Variants in PEX3 observed in about 807,000 individuals in gnomAD.
PEX3 encodes peroxisomal biogenesis factor 3.
A neutral mutation model predicts 55.8 loss-of-function variants in PEX3; 30 were observed. That is an observed-to-expected ratio of 0.54 (90% confidence interval 0.40 to 0.73). The LOEUF is 0.73. Ranked by LOEUF, PEX3 falls within the 30% of genes least tolerant of loss-of-function variation. The pLI, the probability that PEX3 is intolerant of heterozygous loss-of-function variation, is 0.00. For missense variants in PEX3, 351 were observed against 432.8 expected, an observed-to-expected ratio of 0.81 and a Z score of 1.68; for synonymous variants, 135 against 148.4, an observed-to-expected ratio of 0.91 and a Z score of 0.66.
At position 143,485,129 on chromosome 6, in the gene PEX3, T is replaced by A; in HGVS notation, c.942-23T>A. 3.2e-6 allele frequency: 4 copies of A among 1,264,100 alleles called. No individual in the cohort carries two copies. Among genetic ancestry groups the A allele is most frequent in the Non-Finnish European group, 4.6e-6 (4 of 860,640 alleles). The allele number at this position is 1,264,100 out of a possible 1,614,324, so 78.3% of individuals were successfully genotyped here. ...CCTGTGGGGTCATTTCAGAAAATAA[T>A]CATTACTGTAATGATTTTTCAGTCT... is the stretch of plus-strand genomic sequence containing the variant. On this transcript the variant is annotated intron_variant, in intron 10 of 11. Coordinates refer to ENST00000367591, the MANE Select transcript of PEX3 (RefSeq NM_003630.3). The surrounding 1 kb of genome is among the most constrained non-coding windows in gnomAD (Gnocchi z 5.6).
At position 143,463,538 on chromosome 6, in the gene PEX3, T is replaced by TATAA. The variant is rs1562652530; in HGVS notation, c.287+541_287+542insATAA. Among the ~76,000 whole-genome samples the TATAA allele has an allele frequency of 6.6e-6, 1 of 152,122 alleles. No individual in the cohort carries two copies. Among genetic ancestry groups the TATAA allele is most frequent in the African/African-American group, 2.4e-5 (1 of 41,382 alleles). ...ACTTTCACATATGTAACCTTGTATA[T>TATAA]TGCATGTAGCATGTGTTGGGGTATT... On this transcript the variant is annotated intron_variant, in intron 3 of 11. Coordinates refer to ENST00000367591, the MANE Select transcript of PEX3 (RefSeq NM_003630.3). The surrounding 1 kb of genome is among the most constrained non-coding windows in gnomAD (Gnocchi z 5.7).
intron 8 of PEX3, 38 bp from the exon 9 acceptor site, chr6:143,474,748 T>C: frequency 9.7e-7 from 1 of 1,026,964 alleles, no homozygotes; most frequent in Non-Finnish European, 1.6e-6. Flanking sequence ...CCTGTGCTAA[T>C]GTTTGAAAAC....
At chr6:143,473,963 C>T (rs1011939326) in intron 8 of PEX3, among the ~76,000 whole-genome samples, 5 of 124,524 alleles carry the variant, frequency 4.0e-5, no homozygotes, top group African/African-American at 9.0e-5. Context: ...CCTACCCCTA[C>T]AAAAAAAAAA....
At chr6:143,473,618 A>G (rs1376565009) in intron 8 of PEX3, among the ~76,000 whole-genome samples, 1 of 152,156 alleles carries the variant, frequency 6.6e-6, no homozygotes, top group Non-Finnish European at 1.5e-5. Context: ...AAAAGAAAAA[A>G]GCATAGGAGG....
At position 143,451,500 on chromosome 6, in the gene PEX3, C is replaced by G. The variant is rs1239766948; in HGVS notation, c.73+385C>G. On this transcript the variant is annotated intron_variant, in intron 1 of 11. Coordinates refer to ENST00000367591, the MANE Select transcript of PEX3 (RefSeq NM_003630.3). This position sits in a 1 kb window ranked among gnomAD's most constrained non-coding sequence, Gnocchi z 4.1. ...GCACTCTTGATACTTTGGCTCTCAC[C>G]CTTCTCAGGAGTTTAATAATAATCT... is the stretch of plus-strand genomic sequence containing the variant. Among the ~76,000 whole-genome samples, 2 of 152,122 alleles carry G rather than the reference C, an allele frequency of 1.3e-5. No individual in the cohort carries two copies. The highest frequency in any genetic ancestry group is 2.9e-5 in the Non-Finnish European group (2 of 68,020).
chr6:143,472,266 G>C lies in PEX3; in HGVS notation c.685G>C (p.Gly229Arg). 1 of 1,604,830 alleles carries C rather than the reference G, an allele frequency of 6.2e-7. No homozygotes were observed. Among genetic ancestry groups the C allele is most frequent in the Non-Finnish European group, 8.5e-7 (1 of 1,172,076 alleles). ...HKSSSWINKD[G>R]SKPLLCHYMM... ...GTCTTCTTCTTGGATTAATAAAGAT[G>C]GATCCAAACCTTTATTATGCCATTA... is the stretch of plus-strand genomic sequence containing the variant. The change falls in exon 8 of 12, where the codon GGA becomes CGA. Residue 229 changes from glycine (G) to arginine (R), a missense_variant. Coordinates refer to ENST00000367591, the MANE Select transcript of PEX3 (RefSeq NM_003630.3).
At position 143,462,935 on chromosome 6, in the gene PEX3, A is replaced by G. The variant is rs1395077371; in HGVS notation, c.225A>G (p.Thr75=). 1.2e-6 allele frequency: 2 copies of G among 1,613,564 alleles called. No homozygotes were observed. The highest frequency in any genetic ancestry group is 1.7e-6 in the Non-Finnish European group (2 of 1,179,706). ...CNMTVLSMLP[T]LREALMQQLN... is the part of the protein sequence containing the mutation. Reference sequence around the variant, plus strand: ...TTACAGTGCTGTCCATGCTTCCAACACTGAGAGAGGCCTTAATGCAGCAAC... The same window carrying G: ...TTACAGTGCTGTCCATGCTTCCAACGCTGAGAGAGGCCTTAATGCAGCAAC... Residue 75 remains threonine, a synonymous_variant, in exon 3 of 12, where the codon ACA becomes ACG. Coordinates refer to ENST00000367591, the MANE Select transcript of PEX3 (RefSeq NM_003630.3). The surrounding 1 kb of genome is among the most constrained non-coding windows in gnomAD (Gnocchi z 4.1).
rs1363189149 is a variant in PEX3, at chr6:143,468,164, A to G, written c.330A>G (p.Ile110Met). The G allele has an allele frequency of 6.3e-7, 1 of 1,586,050 alleles. No homozygotes were observed. Among genetic ancestry groups the G allele is most frequent in the Admixed American group, 1.7e-5 (1 of 59,918 alleles). The change falls in exon 4 of 12, where the codon ATA (isoleucine) becomes ATG (methionine). Residue 110 changes from isoleucine (I) to methionine (M), a missense_variant and splice_region_variant. Ile to Met is a conservative substitution (Grantham distance 10). Coordinates refer to ENST00000367591, the MANE Select transcript of PEX3 (RefSeq NM_003630.3). ...KLEIWEDLKI[I>M]SFTRSTVAVY... ...AAATATGGGAGGATCTGAAGATAAT[A>G]AGTAAGCCTGCATATTCTGTGTGAC...
chr6:143,458,489 T>G lies in PEX3; in HGVS notation c.74-596T>G, dbSNP rs573945474. 6.6e-6 allele frequency among the ~76,000 whole-genome samples: 1 copy of G among 152,318 alleles called. No homozygotes were observed. The highest frequency in any genetic ancestry group is 1.9e-4 in the East Asian group (1 of 5,190). On this transcript the variant is annotated intron_variant, in intron 1 of 11. Transcript: ENST00000367591. The surrounding 1 kb of genome is among the most constrained non-coding windows in gnomAD (Gnocchi z 6.1). ...TCTTTCATTGTTCCTTTTAAAATTT[T>G]TATCTTATAGTTTTAAAAAGCATTT...
At position 143,482,985 on chromosome 6, in the gene PEX3, C is replaced by T. The variant is rs1408181529; in HGVS notation, c.942-2167C>T. On this transcript the variant is annotated intron_variant, in intron 10 of 11. Transcript: ENST00000367591. The surrounding 1 kb of genome is among the most constrained non-coding windows in gnomAD (Gnocchi z 5.5). ...AACAAGCTTTTTATAAGCTTTTCATCAATATTAAATGCAAATAATATACAG... is the reference window on the plus strand; with the variant it reads ...AACAAGCTTTTTATAAGCTTTTCATTAATATTAAATGCAAATAATATACAG... Among the ~76,000 whole-genome samples the T allele has an allele frequency of 2.0e-5, 3 of 152,016 alleles. No homozygotes were observed. The highest frequency in any genetic ancestry group is 7.2e-5 in the African/African-American group (3 of 41,402).
intron 8 of PEX3, among the ~76,000 whole-genome samples, chr6:143,472,810 G>C (rs1780093698): frequency 6.6e-6 from 1 of 152,126 alleles, no homozygotes; most frequent in South Asian, 2.1e-4. Flanking sequence ...AATCACCTTT[G>C]CTTTTTAAAA....
Position 143,489,109 on chromosome 6 carries a change from G to C in PEX3, c.1039-34G>C, listed in dbSNP as rs756254799. 8.7e-6 allele frequency: 12 copies of C among 1,383,766 alleles called. No individual in the cohort carries two copies. Among genetic ancestry groups the C allele is most frequent in the Non-Finnish European group, 1.2e-5 (12 of 970,858 alleles). 85.7% of individuals were successfully genotyped at this position (1,383,766 alleles called of 1,614,324 possible). On this transcript the variant is annotated intron_variant, in intron 11 of 11. Coordinates refer to ENST00000367591, the MANE Select transcript of PEX3 (RefSeq NM_003630.3). This position sits in a 1 kb window ranked among gnomAD's most constrained non-coding sequence, Gnocchi z 5.5. ...TTAATTCAAATTAGCTATATGTTTT[G>C]CAAACTATAATGTTATATTATCATC...
intron 9 of PEX3, among the ~76,000 whole-genome samples, chr6:143,478,846 A>G (rs1417849512): frequency 2.0e-5 from 3 of 152,148 alleles, no homozygotes; most frequent in South Asian, 2.1e-4. Flanking sequence ...TTCATTGTAC[A>G]AAGTGCTGAC....
At chr6:143,472,128 A>T (rs774498912) in intron 7 of PEX3, 32 bp from the exon 8 acceptor site, 1 of 1,468,578 alleles carries the variant, frequency 6.8e-7, no homozygotes, top group Non-Finnish European at 9.5e-7. Context: ...TATAGTTTCT[A>T]TTTATCCCAA....
In PEX3 at chr6:143,465,660, G is replaced by C. The variant is rs1188143544; in HGVS notation, c.288-2462G>C. Among the ~76,000 whole-genome samples, 1 of 152,022 alleles carries C rather than the reference G, an allele frequency of 6.6e-6. No homozygotes were observed. Among genetic ancestry groups the C allele is most frequent in the Non-Finnish European group, 1.5e-5 (1 of 67,924 alleles). On this transcript the variant is annotated intron_variant, in intron 3 of 11. Transcript: ENST00000367591. The surrounding 1 kb of genome is among the most constrained non-coding windows in gnomAD (Gnocchi z 4.7). ...ACATTAAATACCTCACCTTTGAATT[G>C]TGGTTGATTCCCAGTTTAATCCGAA...
Position 143,485,151 on chromosome 6 carries a change from G to A in PEX3, c.942-1G>A. 1 of 1,550,804 alleles carries A rather than the reference G, an allele frequency of 6.4e-7. No individual in the cohort carries two copies. The highest frequency in any genetic ancestry group is 8.9e-7 in the Non-Finnish European group (1 of 1,122,700). ...TAATCATTACTGTAATGATTTTTCAGTCTTTCCAGTGTCAGCCTGCCTTTA... is the reference window on the plus strand; with the variant it reads ...TAATCATTACTGTAATGATTTTTCAATCTTTCCAGTGTCAGCCTGCCTTTA... On this transcript the variant is annotated splice_acceptor_variant, in intron 10 of 11. Transcript: ENST00000367591. LOFTEE classifies it high-confidence loss of function. This position sits in a 1 kb window ranked among gnomAD's most constrained non-coding sequence, Gnocchi z 5.6.
chr6:143,473,793 G>T (rs1261257457), intron 8 of PEX3, among the ~76,000 whole-genome samples: 2 of 151,924 alleles, frequency 1.3e-5, no homozygotes, highest in Non-Finnish European at 2.9e-5. Flanking sequence ...GATTTTTTAA[G>T]CTCAGCAGTT....
intron 10 of PEX3, among the ~76,000 whole-genome samples, chr6:143,481,510 A>T (rs929392902): frequency 2.0e-5 from 3 of 152,028 alleles, no homozygotes; most frequent in African/African-American, 7.2e-5. Context: ...TTTTTCTCCA[A>T]ATTTTTAATT....
At chr6:143,472,690 T>C (rs1017022892) in intron 8 of PEX3, among the ~76,000 whole-genome samples, 1 of 152,126 alleles carries the variant, frequency 6.6e-6, no homozygotes, top group African/African-American at 2.4e-5. Context: ...TAGCAGAACA[T>C]AGAGCTGAAG....
Sources: gnomAD v4.1 joint callset for allele counts (sites outside exome capture counted in the v4.1 genomes callset) on GRCh38, gnomAD v4.1.1 for gene constraint, Gnocchi (gnomAD v3.1) non-coding constraint, MANE v1.5 for transcripts, NCBI Gene and HGNC (gene_info 2026-07-23, HGNC 2026-07-21) for gene names.